Variants in ABCC5 observed in about 807,000 individuals in gnomAD.
The protein encoded by ABCC5 is ATP binding cassette subfamily C member 5, also known as ATP-binding cassette sub-family C member 5.
A neutral mutation model predicts 160.9 loss-of-function variants in ABCC5; 61 were observed. That is an observed-to-expected ratio of 0.38 (90% CI 0.31 to 0.47). The LOEUF (loss-of-function observed/expected upper bound fraction) is 0.47. ABCC5 is among the 20% of genes least tolerant of loss of function. The pLI is 0.99. For missense variants in ABCC5, 1,308 were observed against 1,813.3 expected (o/e 0.72, Z 5.06); for synonymous variants, 666 against 700.6 (o/e 0.95, Z 0.78).
At chr3:183,944,348 T>C (rs1203780078) in intron 24 of ABCC5, among the ~76,000 whole-genome samples, 3 of 151,820 alleles carry the variant, frequency 2.0e-5, no homozygotes, top group Non-Finnish European at 4.4e-5. Flanking sequence ...TGAGCCGTAT[T>C]CATGCCACTG....
At position 183,937,978 on chromosome 3, in the gene ABCC5, A is replaced by G. The variant is rs1210079941; in HGVS notation, c.3777T>C (p.Ser1259=). The part of the protein sequence containing the change: ...GCIKIDGVRI[S]DIGLADLRSK... ...TTCGGAGGTCGGCAAGGCCAATATC[A>G]CTGATTCTCACTCCATCAATCTTGA... The change falls in exon 26 of 30, where the codon AGT becomes AGC. Residue 1259 remains serine (S), a synonymous_variant. Coordinates refer to ENST00000334444, the MANE Select transcript of ABCC5 (RefSeq NM_005688.4). The G allele has an allele frequency of 6.2e-7, 1 of 1,614,162 alleles. No homozygotes were observed. The highest frequency in any genetic ancestry group is 2.2e-5 in the East Asian group (1 of 44,878).
intron 2 of ABCC5, chr3:184,000,894 A>C (rs1364634394): frequency 4.0e-6 from 1 of 251,360 alleles, no homozygotes; most frequent in Non-Finnish European, 7.5e-6. Context: ...CAATAGAAAT[A>C]TAATGCAAGC....
chr3:183,968,369 C>G (rs1240430440), intron 11 of ABCC5, among the ~76,000 whole-genome samples: 1 of 152,088 alleles, frequency 6.6e-6, no homozygotes, highest in African/African-American at 2.4e-5. Context: ...CTCGGCCTCC[C>G]AAAGTGCTGG....
At chr3:183,977,109 A>G (rs1718283734) in intron 10 of ABCC5, among the ~76,000 whole-genome samples, 1 of 152,216 alleles carries the variant, frequency 6.6e-6, no homozygotes, top group South Asian at 2.1e-4. Flanking sequence ...AGTATCAAAA[A>G]GGATTCAGCA....
At chr3:184,005,598 AAGAG>A in intron 2 of ABCC5, among the ~76,000 whole-genome samples, 1 of 148,428 alleles carries the variant, frequency 6.7e-6, no homozygotes, top group South Asian at 2.2e-4. Flanking sequence ...TTTTGACTAA[AAGAG>A]AGGGAAAAAC....
chr3:183,951,780 T>C lies in ABCC5; in HGVS notation c.2814+77A>G, dbSNP rs924822856. 7.4e-5 allele frequency: 115 copies of C among 1,561,372 alleles called. No individual in the cohort carries two copies. Among genetic ancestry groups the C allele is most frequent in the Non-Finnish European group, 9.4e-5 (108 of 1,147,922 alleles). Reference sequence around the variant, plus strand: ...GTTAAGGGAGCTCCCCTACTCAGCATGAACTGAGAGACGCCACACCAAAGC... The same window carrying C: ...GTTAAGGGAGCTCCCCTACTCAGCACGAACTGAGAGACGCCACACCAAAGC... On this transcript the variant is annotated intron_variant, in intron 19 of 29. Transcript: ENST00000334444. This position sits in a 1 kb window ranked among gnomAD's most constrained non-coding sequence, Gnocchi z 4.7.
At chr3:184,007,315 C>A (rs1387366252) in intron 2 of ABCC5, among the ~76,000 whole-genome samples, 1 of 151,700 alleles carries the variant, frequency 6.6e-6, no homozygotes, top group Non-Finnish European at 1.5e-5. Flanking sequence ...CCACCACGCC[C>A]GGCCCACTTC....
At chr3:184,009,919 C>A in intron 2 of ABCC5, 1 of 420,240 alleles carries the variant, frequency 2.4e-6, no homozygotes, top group Non-Finnish European at 4.9e-6. Flanking sequence ...GAGGCTGAGG[C>A]GGGAGGCTTG....
chr3:183,984,559 C>T, intron 5 of ABCC5: 1 of 1,307,530 alleles, frequency 7.6e-7, no homozygotes, highest in South Asian at 1.7e-5. Context: ...CCACTAGGTC[C>T]TAGGAGATCC....
At chr3:183,983,743 T>C (rs1718948482) in intron 5 of ABCC5, 1 of 985,304 alleles carries the variant, frequency 1.0e-6, no homozygotes, top group African/African-American at 1.8e-5. Flanking sequence ...CAGTATTAAA[T>C]ACCAGGAAGT....
At chr3:183,926,612 G>C (rs1371464820) in intron 28 of ABCC5, among the ~76,000 whole-genome samples, 1 of 152,116 alleles carries the variant, frequency 6.6e-6, no homozygotes. Context: ...TACATGCTCT[G>C]TGACAGTGAG....
At chr3:183,973,449 C>G (rs1026813933) in intron 10 of ABCC5, among the ~76,000 whole-genome samples, 2 of 152,052 alleles carry the variant, frequency 1.3e-5, no homozygotes, top group African/African-American at 2.4e-5. Context: ...AAATTTTAAA[C>G]ATTACAAAAT....
intron 2 of ABCC5, among the ~76,000 whole-genome samples, chr3:184,013,766 G>T (rs1721954795): frequency 6.6e-6 from 1 of 152,180 alleles, no homozygotes; most frequent in Non-Finnish European, 1.5e-5. Context: ...GAACAGACCG[G>T]GTGAGAGGGT....
At chr3:183,997,268 T>C (rs756828195) in intron 2 of ABCC5, among the ~76,000 whole-genome samples, 10 of 152,200 alleles carry the variant, frequency 6.6e-5, no homozygotes, top group East Asian at 1.9e-4. Context: ...TTTTAGAAGA[T>C]AGATACAGAT....
At chr3:183,983,353 A>T in intron 5 of ABCC5, 1 of 290,926 alleles carries the variant, frequency 3.4e-6, no homozygotes, top group South Asian at 5.6e-5. Flanking sequence ...ACACATGGAT[A>T]CATTTGTTTA....
chr3:183,984,425 T>A (rs1423080475), intron 5 of ABCC5: 7 of 1,007,054 alleles, frequency 7.0e-6, no homozygotes, highest in Non-Finnish European at 8.3e-6. Context: ...AAGTCAGAGC[T>A]GAATGACAGA....
chr3:183,956,127 T>A (rs144137745), intron 17 of ABCC5, among the ~76,000 whole-genome samples: 38 of 99,340 alleles, frequency 3.8e-4, no homozygotes, highest in Middle Eastern at 5.3e-3. Flanking sequence ...TCCGTGTGTA[T>A]ATCACATCGG....
At position 183,951,926 on chromosome 3, in the gene ABCC5, G is replaced by A. The variant is rs754208338; in HGVS notation, c.2745C>T (p.Ala915=). Residue 915 remains alanine (A), a synonymous_variant, in exon 19 of 30, where the codon GCC becomes GCT. Coordinates refer to ENST00000334444, the MANE Select transcript of ABCC5 (RefSeq NM_005688.4). The surrounding 1 kb of genome is among the most constrained non-coding windows in gnomAD (Gnocchi z 4.7). ...MKDNPHMQYY[A]SIYALSMAVM... is the part of the protein sequence containing the mutation. Reference sequence around the variant, plus strand: ...CTGCCATGGAGAGGGCGTAGATGCTGGCATAGTACTGCATATGAGGATTGT... The same window carrying A: ...CTGCCATGGAGAGGGCGTAGATGCTAGCATAGTACTGCATATGAGGATTGT... 1 of 1,614,076 alleles carries A rather than the reference G, an allele frequency of 6.2e-7. No individual in the cohort carries two copies. Among genetic ancestry groups the A allele is most frequent in the Admixed American group, 1.7e-5 (1 of 60,026 alleles).
intron 26 of ABCC5, among the ~76,000 whole-genome samples, chr3:183,934,655 T>C (rs1324411631): frequency 6.6e-6 from 1 of 152,178 alleles, no homozygotes; most frequent in Admixed American, 6.6e-5. Context: ...CACGCGCCCA[T>C]GGTCAATTCT....
Sources: allele counts gnomAD v4.1 joint callset (sites outside exome capture counted in the v4.1 genomes callset), GRCh38; gene constraint gnomAD v4.1.1; non-coding constraint Gnocchi (gnomAD v3.1); transcripts MANE v1.5; gene names NCBI Gene and HGNC (gene_info 2026-07-23, HGNC 2026-07-21).